PHC2: variants seen among roughly 807,000 people sequenced by gnomAD.
PHC2 encodes polyhomeotic-like protein 2.
In PHC2, 29 loss-of-function variants were observed where a neutral mutation model predicts 87.4. That is an observed-to-expected ratio of 0.33 (90% CI 0.25 to 0.45). The LOEUF (loss-of-function observed/expected upper bound fraction) is 0.45. PHC2 is among the 20% of genes least tolerant of loss of function. PHC2 has a pLI of 1.00. For synonymous variants in PHC2, 438 were observed against 461.7 expected, an observed-to-expected ratio of 0.95 and a Z score of 0.66; for missense variants, 857 against 1,136.7, an observed-to-expected ratio of 0.75 and a Z score of 3.54.
chr1:33,366,704 TA>T (rs1647471169), intron 7 of PHC2, among the ~76,000 whole-genome samples: 1 of 152,168 alleles, frequency 6.6e-6, no homozygotes, highest in South Asian at 2.1e-4. Flanking sequence ...ATGAGAAAAA[TA>T]AACTTCCTAC....
chr1:33,383,413 C>A (rs1227554170), intron 1 of PHC2, among the ~76,000 whole-genome samples: 1 of 152,214 alleles, frequency 6.6e-6, no homozygotes, highest in African/African-American at 2.4e-5. Flanking sequence ...ATAGTCCTAG[C>A]AATCCAAACA....
chr1:33,406,014 T>C (rs1251661813), intron 1 of PHC2, among the ~76,000 whole-genome samples: 4 of 152,052 alleles, frequency 2.6e-5, no homozygotes, highest in East Asian at 1.9e-4. Context: ...AATTTGACAA[T>C]TGTGTTATTC....
At chr1:33,417,177 T>C (rs935158622) in intron 1 of PHC2, among the ~76,000 whole-genome samples, 6 of 151,300 alleles carry the variant, frequency 4.0e-5, no homozygotes, top group African/African-American at 1.5e-4. Flanking sequence ...GGGGTCAAGA[T>C]TAAGAAACTC....
intron 1 of PHC2, among the ~76,000 whole-genome samples, chr1:33,386,572 C>A (rs541837485): frequency 2.0e-5 from 3 of 152,094 alleles, no homozygotes; most frequent in South Asian, 4.2e-4. Flanking sequence ...GTGACGCACA[C>A]CTGTAATCCC....
At chr1:33,351,951 C>CAAAAAAAAAAA (rs10718909) in intron 9 of PHC2, among the ~76,000 whole-genome samples, 2 of 87,422 alleles carry the variant, frequency 2.3e-5, no homozygotes, top group African/African-American at 4.8e-5. Flanking sequence ...GAATGCATCT[C>CAAAAAAAAAAA]AAAAAAAAAA....
rs1650901207 is a variant in PHC2, at chr1:33,431,022, G to GGGGCCGCCCCTC, written c.-113_-102dup. On this transcript the variant is annotated 5_prime_UTR_variant, in exon 1 of 15. Coordinates refer to ENST00000683057, the MANE Select transcript of PHC2 (RefSeq NM_001385109.1). ...TCCTCCACCTGGCCGCTCTCTCCCG[G>GGGGCCGCCCCTC]GGGCCGCCCCTCAGCCCGCCCCCTC... 6.6e-6 allele frequency: 1 copy of GGGGCCGCCCCTC among 151,904 alleles called. No individual in the cohort carries two copies. The highest frequency in any genetic ancestry group is 1.5e-5 in the Non-Finnish European group (1 of 67,902). 9.4% of individuals were successfully genotyped at this position (151,904 alleles called of 1,614,324 possible).
chr1:33,378,615 T>G (rs892162674), intron 1 of PHC2, among the ~76,000 whole-genome samples: 1 of 152,178 alleles, frequency 6.6e-6, no homozygotes, highest in Non-Finnish European at 1.5e-5. Flanking sequence ...TTTCTGTGAG[T>G]GTAGTTAATC....
chr1:33,367,171 C>T lies in PHC2; in HGVS notation c.921G>A (p.Arg307=), dbSNP rs764217307. 8.7e-6 allele frequency: 14 copies of T among 1,614,084 alleles called. No homozygotes were observed. In the South Asian group the frequency reaches 1.3e-4, roughly 15 times the overall value. The change falls in exon 7 of 15, where the codon CGG becomes CGA. Residue 307 remains arginine (R), a synonymous_variant. Transcript: ENST00000683057. ...NSSVPGSMEG[R]AGLSRTVPAV... ...CAGGAACCGTCCGGCTGAGCCCAGCCCGGCCTTCCATGCTCCCTGGCACAC... is the reference window on the plus strand; with the variant it reads ...CAGGAACCGTCCGGCTGAGCCCAGCTCGGCCTTCCATGCTCCCTGGCACAC...
intron 1 of PHC2, among the ~76,000 whole-genome samples, chr1:33,391,385 A>G (rs1409460584): frequency 1.3e-5 from 2 of 152,242 alleles, no homozygotes; most frequent in South Asian, 4.1e-4. Flanking sequence ...AGTTCATTCC[A>G]TTTAGTACAT....
rs4653136 is a variant in PHC2 at position 33,430,467 on chromosome 1, G to A, written c.-55+509C>T. Reference sequence around the variant, plus strand: ...CTGTCACGCCGCGGCTGGGGAGCGGGCGCCCCGGTCAGGCCCGACGCCCGG... The same window carrying A: ...CTGTCACGCCGCGGCTGGGGAGCGGACGCCCCGGTCAGGCCCGACGCCCGG... On this transcript the variant is annotated intron_variant, in intron 1 of 14. Coordinates refer to ENST00000683057, the MANE Select transcript of PHC2 (RefSeq NM_001385109.1). Among the ~76,000 whole-genome samples, 400 of 152,300 alleles carry A rather than the reference G, an allele frequency of 2.6e-3. 8 individuals carry two copies. In the East Asian group the frequency reaches 0.044, roughly 17 times the overall value.
At chr1:33,365,372 C>G (rs1347939081) in intron 7 of PHC2, among the ~76,000 whole-genome samples, 1 of 152,138 alleles carries the variant, frequency 6.6e-6, no homozygotes, top group Non-Finnish European at 1.5e-5. Flanking sequence ...ACTAGTCTTT[C>G]TTTTGAACAG....
chr1:33,336,539 A>AT (rs1336489419), intron 9 of PHC2: 1 of 152,182 alleles, frequency 6.6e-6, no homozygotes, highest in African/African-American at 2.4e-5. Flanking sequence ...TTGAAAAAAA[A>AT]TTTTTAAACA....
chr1:33,407,851 G>A (rs1649825199), intron 1 of PHC2, among the ~76,000 whole-genome samples: 1 of 152,102 alleles, frequency 6.6e-6, no homozygotes, highest in South Asian at 2.1e-4. Flanking sequence ...GTGTTTCATA[G>A]AAATAGATGA....
intron 1 of PHC2, among the ~76,000 whole-genome samples, chr1:33,403,822 C>T (rs1051526213): frequency 6.6e-6 from 1 of 152,154 alleles, no homozygotes; most frequent in Non-Finnish European, 1.5e-5. Flanking sequence ...CATTCTTTTC[C>T]TTGAAACAGT....
chr1:33,419,795 G>C (rs1402681986), intron 1 of PHC2, among the ~76,000 whole-genome samples: 1 of 152,036 alleles, frequency 6.6e-6, no homozygotes, highest in Non-Finnish European at 1.5e-5. Flanking sequence ...ATTTTTAGTA[G>C]AGACGGGGTT....
rs1037843372 is a variant in PHC2 at position 33,324,281 on chromosome 1, T to TCATA, written c.*580_*583dup. ...TCCAGGCTCCCACACAGTCACACAG[T>TCATA]CATACACACAGCGTTAAGGCGTCTG... On this transcript the variant is annotated 3_prime_UTR_variant, in exon 15 of 15. Coordinates refer to ENST00000683057, the MANE Select transcript of PHC2 (RefSeq NM_001385109.1). 6.5e-6 allele frequency: 1 copy of TCATA among 152,848 alleles called. No homozygotes were observed. Among genetic ancestry groups the TCATA allele is most frequent in the Non-Finnish European group, 1.5e-5 (1 of 68,252 alleles). The allele number at this position is 152,848 out of a possible 1,614,324, so 9.5% of individuals were successfully genotyped here. A position where few individuals can be genotyped will look rare whatever the true frequency, so the allele number is the denominator to read the frequency against.
In PHC2 at chr1:33,349,932, CG is replaced by C; in HGVS notation, c.1558+4468del. The C allele has an allele frequency of 1.2e-6, 1 of 817,048 alleles. No homozygotes were observed. Among genetic ancestry groups the C allele is most frequent in the Non-Finnish European group, 1.5e-6 (1 of 680,558 alleles). 50.6% of individuals were successfully genotyped at this position (817,048 alleles called of 1,614,324 possible). On this transcript the variant is annotated intron_variant, in intron 9 of 14. Coordinates refer to ENST00000683057, the MANE Select transcript of PHC2 (RefSeq NM_001385109.1). This position sits in a 1 kb window ranked among gnomAD's most constrained non-coding sequence, Gnocchi z 4.2. ...CTGGGACGGCTCCCGCGGCCGCCTCCGCCGGGGGCGGGGCGAGGGAGCGGGG... is the reference window on the plus strand; with the variant it reads ...CTGGGACGGCTCCCGCGGCCGCCTCCCCGGGGGCGGGGCGAGGGAGCGGGG...
Position 33,331,502 on chromosome 1 carries a change from T to TTCCTGCTGGCCACAG in PHC2, c.1892-41_1892-40insCTGTGGCCAGCAGGA. ...AATGGGTAGGGTGGAGAATGAGAAA[T>TTCCTGCTGGCCACAG]TCCTGCAGGACTGTGGCCAGCCCCA... On this transcript the variant is annotated intron_variant, in intron 11 of 14. Coordinates refer to ENST00000683057, the MANE Select transcript of PHC2 (RefSeq NM_001385109.1). This position sits in a 1 kb window ranked among gnomAD's most constrained non-coding sequence, Gnocchi z 5.2. 8.0e-7 allele frequency: 1 copy of TTCCTGCTGGCCACAG among 1,244,444 alleles called. No homozygotes were observed. Among genetic ancestry groups the TTCCTGCTGGCCACAG allele is most frequent in the Non-Finnish European group, 1.2e-6 (1 of 847,344 alleles). 77.1% of individuals were successfully genotyped at this position (1,244,444 alleles called of 1,614,324 possible).
chr1:33,374,191 C>T (rs1329619369), intron 2 of PHC2, among the ~76,000 whole-genome samples: 1 of 152,114 alleles, frequency 6.6e-6, no homozygotes, highest in African/African-American at 2.4e-5. Context: ...ATCCTGTGAC[C>T]CTTCCTCATG....
Sources: gnomAD v4.1 joint callset for allele counts (sites outside exome capture counted in the v4.1 genomes callset) on GRCh38, gnomAD v4.1.1 for gene constraint, Gnocchi (gnomAD v3.1) non-coding constraint, MANE v1.5 for transcripts, NCBI Gene and HGNC (gene_info 2026-07-23, HGNC 2026-07-21) for gene names.